The following XKR6 variants were observed in gnomAD, a reference collection of about 807,000 sequenced individuals.
The protein encoded by XKR6 is XK-related protein 6.
A neutral mutation model predicts 56.7 loss-of-function variants in XKR6; 22 were observed. The ratio of observed to expected loss-of-function variants is 0.39; its 90% CI spans 0.28 to 0.55. The LOEUF (loss-of-function observed/expected upper bound fraction) is 0.55. Ranked by LOEUF, XKR6 falls within the 20% of genes least tolerant of loss-of-function variation. The probability of loss-of-function intolerance (pLI) is 0.66; values close to 1 mark genes in which losing one functional copy is unlikely to be tolerated. For missense variants in XKR6, 852 were observed against 889.0 expected, an observed-to-expected ratio of 0.96 and a Z score of 0.53; for synonymous variants, 524 against 387.8, an observed-to-expected ratio of 1.35 and a Z score of -4.13.
At chr8:10,958,819 C>G (rs1801973211) in intron 1 of XKR6, among the ~76,000 whole-genome samples, 1 of 152,232 alleles carries the variant, frequency 6.6e-6, no homozygotes, top group Non-Finnish European at 1.5e-5. Flanking sequence ...AGAACTTCTG[C>G]AGAGAGGAAA....
chr8:10,978,557 T>C (rs1797648261), intron 1 of XKR6, among the ~76,000 whole-genome samples: 1 of 152,196 alleles, frequency 6.6e-6, no homozygotes, highest in African/African-American at 2.4e-5. Context: ...TCGTGCATTC[T>C]CCTCCAGAGA....
chr8:10,957,118 T>C (rs956876475), intron 1 of XKR6, among the ~76,000 whole-genome samples: 13 of 152,076 alleles, frequency 8.5e-5, no homozygotes, highest in South Asian at 2.1e-4. Flanking sequence ...GCCCGTTTAA[T>C]TTTTGTATTT....
intron 1 of XKR6, among the ~76,000 whole-genome samples, chr8:10,960,979 G>A (rs1027463132): frequency 4.6e-5 from 7 of 152,168 alleles, no homozygotes; most frequent in Non-Finnish European, 1.0e-4. Flanking sequence ...ATGGGGTAGG[G>A]CCAGGAGCAT....
chr8:11,197,286 G>C (rs1803943476), intron 1 of XKR6, among the ~76,000 whole-genome samples: 1 of 152,172 alleles, frequency 6.6e-6, no homozygotes, highest in South Asian at 2.1e-4. Context: ...ATGAAATTTT[G>C]GTCAAAGAAC....
chr8:10,902,116 C>T (rs781404381), intron 2 of XKR6, among the ~76,000 whole-genome samples: 6 of 152,172 alleles, frequency 3.9e-5, no homozygotes, highest in Admixed American at 6.5e-5. Context: ...ACTGCAGTTG[C>T]GGCTTCTAGA....
chr8:10,942,976 C>T (rs904539865), intron 1 of XKR6, among the ~76,000 whole-genome samples: 1 of 152,234 alleles, frequency 6.6e-6, no homozygotes, highest in Non-Finnish European at 1.5e-5. Flanking sequence ...CAGGTGGCCA[C>T]ATGCAGTGGC....
At chr8:11,078,223 T>C (rs1800325413) in intron 1 of XKR6, among the ~76,000 whole-genome samples, 1 of 152,184 alleles carries the variant, frequency 6.6e-6, no homozygotes, top group South Asian at 2.1e-4. Flanking sequence ...AAAGAAGAAC[T>C]GACACTTATT....
At position 11,183,143 on chromosome 8, in the gene XKR6, T is replaced by G. The variant is rs535917165; in HGVS notation, c.764+17433A>C. On this transcript the variant is annotated intron_variant, in intron 1 of 2. Coordinates refer to ENST00000416569, the MANE Select transcript of XKR6 (RefSeq NM_173683.4). ...TGAAGGCTTAGGTTGCTTCCACTTT[T>G]GGTTACTGTGAATAGTGCTGCTATG... 3.9e-5 allele frequency among the ~76,000 whole-genome samples: 6 copies of G among 152,330 alleles called. No homozygotes were observed. The East Asian group carries it at 1.2e-3, about 29-fold the overall frequency.
At chr8:10,913,009 CAGAG>C (rs1016485782) in intron 2 of XKR6, among the ~76,000 whole-genome samples, 1 of 140,388 alleles carries the variant, frequency 7.1e-6, no homozygotes. Context: ...TATATATATA[CAGAG>C]AGAGAGGAGA....
intron 1 of XKR6, among the ~76,000 whole-genome samples, chr8:11,005,844 T>TTC (rs1430186198): frequency 1.4e-5 from 2 of 141,328 alleles, no homozygotes; most frequent in African/African-American, 2.7e-5. Flanking sequence ...CTTTCTTTCT[T>TTC]TTTTTTTTTT....
chr8:10,993,434 C>A (rs967226782), intron 1 of XKR6, among the ~76,000 whole-genome samples: 1 of 152,172 alleles, frequency 6.6e-6, no homozygotes, highest in Non-Finnish European at 1.5e-5. Context: ...CCCAGCTGTC[C>A]CACACCTCTG....
chr8:10,980,451 G>A (rs1228650128), intron 1 of XKR6, among the ~76,000 whole-genome samples: 1 of 152,222 alleles, frequency 6.6e-6, no homozygotes, highest in Non-Finnish European at 1.5e-5. Flanking sequence ...ACTCAGGAAT[G>A]TCAGTTCCAT....
At chr8:10,904,403 T>C (rs1054585686) in intron 2 of XKR6, among the ~76,000 whole-genome samples, 12 of 152,186 alleles carry the variant, frequency 7.9e-5, no homozygotes, top group Non-Finnish European at 1.8e-4. Context: ...TTATGACCGA[T>C]GACACAGAGC....
intron 1 of XKR6, among the ~76,000 whole-genome samples, chr8:10,980,345 C>T (rs1267017685): frequency 6.6e-6 from 1 of 152,112 alleles, no homozygotes; most frequent in Non-Finnish European, 1.5e-5. Context: ...GAATACAAGG[C>T]AGAGATGTCC....
intron 1 of XKR6, among the ~76,000 whole-genome samples, chr8:11,187,801 A>C (rs1255637368): frequency 6.6e-6 from 1 of 152,166 alleles, no homozygotes; most frequent in African/African-American, 2.4e-5. Flanking sequence ...AATTCTAGTG[A>C]AACTGGCCTG....
rs186635910 is a variant in XKR6, at chr8:10,911,892, T to G, written c.961+12742A>C. Among the ~76,000 whole-genome samples the G allele has an allele frequency of 2.8e-3, 413 of 149,624 alleles. 1 individual carries two copies. Among genetic ancestry groups the G allele is most frequent in the African/African-American group, 5.1e-3 (206 of 40,706 alleles). On this transcript the variant is annotated intron_variant, in intron 2 of 2. Coordinates refer to ENST00000416569, the MANE Select transcript of XKR6 (RefSeq NM_173683.4). ...TATATATAGAAGGTGTGTATATATA[T>G]AGAGAGAATAGGTATATATAGAGAG...
intron 1 of XKR6, among the ~76,000 whole-genome samples, chr8:11,092,080 T>C (rs768098568): frequency 1.4e-4 from 22 of 152,186 alleles, no homozygotes; most frequent in Non-Finnish European, 2.2e-4. Flanking sequence ...ATACAAATGT[T>C]CATAGCAAGT....
chr8:11,167,022 G>C (rs550272172), intron 1 of XKR6, among the ~76,000 whole-genome samples: 1 of 152,308 alleles, frequency 6.6e-6, no homozygotes, highest in African/African-American at 2.4e-5. Flanking sequence ...CAGCGTGTGT[G>C]GCGGTGGTAG....
chr8:10,953,754 C>G (rs530831390), intron 1 of XKR6, among the ~76,000 whole-genome samples: 2 of 152,224 alleles, frequency 1.3e-5, no homozygotes, highest in Non-Finnish European at 2.9e-5. Context: ...TCGCCACCAT[C>G]TAGTCCCAGA....
Sources: gnomAD v4.1 joint callset for allele counts (sites outside exome capture counted in the v4.1 genomes callset) on GRCh38, gnomAD v4.1.1 for gene constraint, MANE v1.5 for transcripts, NCBI Gene and HGNC (gene_info 2026-07-23, HGNC 2026-07-21) for gene names.